GPC5: variants seen among roughly 807,000 people sequenced by gnomAD.
The protein encoded by GPC5 is glypican 5, also known as glypican-5.
A neutral mutation model predicts 53.9 loss-of-function variants in GPC5; 47 were observed. That is an observed-to-expected ratio of 0.87 (90% confidence interval 0.69 to 1.11). The LOEUF (loss-of-function observed/expected upper bound fraction) is 1.11. Among genes scored for constraint, GPC5 ranks in the 50% most tolerant of loss-of-function variants. The pLI is 0.00. For missense variants in GPC5, 748 were observed against 713.1 expected (o/e 1.05, Z -0.56); for synonymous variants, 286 against 263.3 (o/e 1.09, Z -0.84).
chr13:91,441,859 C>A (rs56291702), intron 1 of GPC5, among the ~76,000 whole-genome samples: 5,450 of 152,232 alleles, frequency 0.036, 145 homozygotes, highest in Middle Eastern at 0.068. Context: ...GCCCTGTTTT[C>A]ATCTGGTGAG....
intron 6 of GPC5, among the ~76,000 whole-genome samples, chr13:91,965,288 C>A (rs2040170484): frequency 6.6e-6 from 1 of 152,212 alleles, no homozygotes; most frequent in African/African-American, 2.4e-5. Context: ...TAATTGTTAG[C>A]TATTCCTTCA....
chr13:92,595,389 C>T (rs1041024004), intron 7 of GPC5, among the ~76,000 whole-genome samples: 1 of 152,186 alleles, frequency 6.6e-6, no homozygotes, highest in Admixed American at 6.5e-5. Flanking sequence ...CTTATATTGT[C>T]ATAAACAATG....
chr13:92,297,698 G>A (rs148556311), intron 7 of GPC5, among the ~76,000 whole-genome samples: 355 of 152,208 alleles, frequency 2.3e-3, no homozygotes, highest in African/African-American at 8.0e-3. Flanking sequence ...GACAAAACAG[G>A]CCTCTCGGCT....
At chr13:92,537,415 C>A (rs1881762468) in intron 7 of GPC5, among the ~76,000 whole-genome samples, 1 of 152,138 alleles carries the variant, frequency 6.6e-6, no homozygotes, top group African/African-American at 2.4e-5. Flanking sequence ...CTGACTTCTT[C>A]AAGGAGTTTT....
chr13:91,950,141 C>G (rs975915944), intron 6 of GPC5, among the ~76,000 whole-genome samples: 3 of 152,040 alleles, frequency 2.0e-5, no homozygotes, highest in African/African-American at 7.2e-5. Context: ...ACAGCAGGGT[C>G]AGCAGATTCT....
At chr13:92,662,760 T>C (rs996275324) in intron 7 of GPC5, among the ~76,000 whole-genome samples, 1 of 152,154 alleles carries the variant, frequency 6.6e-6, no homozygotes, top group Non-Finnish European at 1.5e-5. Context: ...TGGATTATAG[T>C]AGCTCTAAAG....
At chr13:91,939,288 G>T (rs1226355909) in intron 6 of GPC5, among the ~76,000 whole-genome samples, 1 of 152,074 alleles carries the variant, frequency 6.6e-6, no homozygotes, top group Non-Finnish European at 1.5e-5. Flanking sequence ...TAGAATTTAT[G>T]AACTAAAGGC....
intron 7 of GPC5, among the ~76,000 whole-genome samples, chr13:92,555,176 A>G (rs937792770): frequency 2.0e-5 from 3 of 151,516 alleles, no homozygotes; most frequent in African/African-American, 4.8e-5. Flanking sequence ...GTAAGAAGAT[A>G]CATACACATT....
chr13:91,810,335 T>C (rs907473028), intron 5 of GPC5, among the ~76,000 whole-genome samples: 21 of 152,042 alleles, frequency 1.4e-4, no homozygotes, highest in East Asian at 7.7e-4. Context: ...GACATTATTA[T>C]ATCTCTTATT....
intron 7 of GPC5, among the ~76,000 whole-genome samples, chr13:92,667,104 T>G (rs1305552286): frequency 6.6e-6 from 1 of 152,138 alleles, no homozygotes; most frequent in African/African-American, 2.4e-5. Context: ...TTGGTTGAGA[T>G]TTGTTGAAAG....
chr13:92,039,925 C>T (rs112270701), intron 6 of GPC5, among the ~76,000 whole-genome samples: 11 of 152,232 alleles, frequency 7.2e-5, no homozygotes, highest in African/African-American at 2.4e-4. Context: ...GACTTCAACA[C>T]GTGAGTTTTG....
chr13:92,213,818 T>C (rs917921316), intron 7 of GPC5, among the ~76,000 whole-genome samples: 2 of 152,184 alleles, frequency 1.3e-5, no homozygotes, highest in African/African-American at 4.8e-5. Flanking sequence ...GATCTGACTA[T>C]ATCTCTCAGA....
intron 7 of GPC5, among the ~76,000 whole-genome samples, chr13:92,775,510 C>CT (rs926514360): frequency 1.4e-3 from 210 of 152,170 alleles, no homozygotes; most frequent in African/African-American, 4.8e-3. Context: ...AAAATTTATG[C>CT]TTTTTTTAAA....
chr13:91,413,118 A>T (rs1053942970), intron 1 of GPC5, among the ~76,000 whole-genome samples: 1 of 150,874 alleles, frequency 6.6e-6, no homozygotes, highest in Non-Finnish European at 1.5e-5. Flanking sequence ...CCATCTCTAC[A>T]AAAAATTAAA....
chr13:92,465,845 G>A (rs906325170), intron 7 of GPC5, among the ~76,000 whole-genome samples: 6 of 151,858 alleles, frequency 4.0e-5, no homozygotes, highest in African/African-American at 1.5e-4. Context: ...ATTATGCTAA[G>A]TGTAATAAGC....
chr13:92,525,387 A>G (rs1049304030), intron 7 of GPC5, among the ~76,000 whole-genome samples: 2 of 151,534 alleles, frequency 1.3e-5, no homozygotes, highest in African/African-American at 4.8e-5. Context: ...ACGATTTAAT[A>G]TAATGAAGCA....
chr13:91,936,370 G>T (rs2039871253), intron 6 of GPC5, among the ~76,000 whole-genome samples: 1 of 151,942 alleles, frequency 6.6e-6, no homozygotes, highest in African/African-American at 2.4e-5. Flanking sequence ...TTGCTTGGGG[G>T]TAACCTATAA....
At chr13:92,391,489 G>A (rs1003163318) in intron 7 of GPC5, among the ~76,000 whole-genome samples, 1 of 151,984 alleles carries the variant, frequency 6.6e-6, no homozygotes. Context: ...TCTTGCTGGG[G>A]AACTTTGATG....
At chr13:91,421,551 A>T (rs1878636490) in intron 1 of GPC5, among the ~76,000 whole-genome samples, 1 of 152,218 alleles carries the variant, frequency 6.6e-6, no homozygotes, top group East Asian at 1.9e-4. Flanking sequence ...TTTGTTGAAC[A>T]CTGCAATGGA....
Sources: gnomAD v4.1 joint callset for allele counts (sites outside exome capture counted in the v4.1 genomes callset) on GRCh38, gnomAD v4.1.1 for gene constraint, MANE v1.5 for transcripts, NCBI Gene and HGNC (gene_info 2026-07-23, HGNC 2026-07-21) for gene names.